The following CCDC186 variants were observed in gnomAD, a reference collection of about 807,000 sequenced individuals.
The protein encoded by CCDC186 is coiled-coil domain-containing protein 186.
CCDC186 carries 49 observed loss-of-function variants against 113.7 expected under a neutral mutation model. That is an observed-to-expected ratio of 0.43 (90% CI 0.34 to 0.55). The LOEUF (loss-of-function observed/expected upper bound fraction) is 0.55. Among genes scored for constraint, CCDC186 ranks in the 20% least tolerant of loss-of-function variants. The pLI, the probability that CCDC186 is intolerant of heterozygous loss-of-function variation, is 0.02. For synonymous variants in CCDC186, 355 were observed against 345.8 expected (o/e 1.03, Z -0.30); for missense variants, 890 against 1,011.1 (o/e 0.88, Z 1.62).
chr10:114,135,877 A>G lies in CCDC186; in HGVS notation c.1512+14T>C, dbSNP rs777207426. On this transcript the variant is annotated intron_variant, in intron 9 of 15. Transcript: ENST00000369287. ...TTACCCTTCCTCTGGATTCATGACT[A>G]AAGACTGAATTACCTTTGTTCTCAG... 4.4e-6 allele frequency: 7 copies of G among 1,577,650 alleles called. No homozygotes were observed. The highest frequency in any genetic ancestry group is 6.1e-6 in the Non-Finnish European group (7 of 1,150,054).
rs1276872366 is a variant in CCDC186, at chr10:114,131,216, C to G, written c.2032G>C (p.Asp678His). 6.3e-7 allele frequency: 1 copy of G among 1,599,652 alleles called. No individual in the cohort carries two copies. Among genetic ancestry groups the G allele is most frequent in the South Asian group, 1.1e-5 (1 of 88,548 alleles). Reference sequence around the variant, plus strand: ...TTACGTCTCTGAGTTACTAACTCATCTTTTAATTCTTCTACCTGGGTACTC... The same window carrying G: ...TTACGTCTCTGAGTTACTAACTCATGTTTTAATTCTTCTACCTGGGTACTC... ...ALSTQVEELK[D>H]ELVTQRRKHA... Residue 678 changes from aspartate to histidine, a missense_variant, in exon 12 of 16, where the codon GAT becomes CAT. Asp to His is a moderately conservative substitution (Grantham distance 81). Transcript: ENST00000369287.
intron 11 of CCDC186, among the ~76,000 whole-genome samples, chr10:114,131,590 C>CAA (rs1320780174): frequency 1.3e-5 from 2 of 152,004 alleles, no homozygotes; most frequent in African/African-American, 4.8e-5. Flanking sequence ...ACTAAAGTCT[C>CAA]AAATCATTTT....
rs1248400057 is a variant in CCDC186 at position 114,121,251 on chromosome 10, G to A, written c.*3892C>T. The A allele has an allele frequency of 6.6e-6, 1 of 151,438 alleles. No homozygotes were observed. 9.4% of individuals were successfully genotyped at this position (151,438 alleles called of 1,614,324 possible). On this transcript the variant is annotated 3_prime_UTR_variant, in exon 16 of 16. Transcript: ENST00000369287. ...GTGTTAATTAAAAATCAACAATCTT[G>A]GTGTCAAAAAAAATTGCTTTTAAAA... is the stretch of plus-strand genomic sequence containing the variant.
intron 3 of CCDC186, among the ~76,000 whole-genome samples, chr10:114,152,839 T>C (rs901321079): frequency 1.3e-5 from 2 of 152,038 alleles, no homozygotes; most frequent in Non-Finnish European, 2.9e-5. Flanking sequence ...AGTGGCTATA[T>C]TTACATAAAA....
At chr10:114,172,788 TTTTA>T (rs1254191716) in intron 1 of CCDC186, among the ~76,000 whole-genome samples, 1 of 152,228 alleles carries the variant, frequency 6.6e-6, no homozygotes, top group Non-Finnish European at 1.5e-5. Flanking sequence ...CATTACTGTT[TTTTA>T]TTTGTGTAAT....
Position 114,124,175 on chromosome 10 carries a change from C to G in CCDC186, c.*968G>C, listed in dbSNP as rs917460923. On this transcript the variant is annotated 3_prime_UTR_variant, in exon 16 of 16. Coordinates refer to ENST00000369287, the MANE Select transcript of CCDC186 (RefSeq NM_018017.4). ...CTACTTTATGTTTTAAATAAATACA[C>G]TGAAACATCACATTTGGGGGAACTG... 6.6e-6 allele frequency: 1 copy of G among 152,140 alleles called. No homozygotes were observed. Among genetic ancestry groups the G allele is most frequent in the South Asian group, 2.1e-4 (1 of 4,832 alleles). 9.4% of individuals were successfully genotyped at this position (152,140 alleles called of 1,614,324 possible). A position where few individuals can be genotyped will look rare whatever the true frequency, so the allele number is the denominator to read the frequency against.
chr10:114,138,767 C>T (rs2031364275), intron 6 of CCDC186, among the ~76,000 whole-genome samples: 1 of 152,162 alleles, frequency 6.6e-6, no homozygotes, highest in African/African-American at 2.4e-5. Context: ...TTTCTGCCCT[C>T]TTCATTGTTC....
intron 12 of CCDC186, chr10:114,130,307 C>G (rs2031047283): frequency 2.8e-5 from 5 of 177,362 alleles, no homozygotes; most frequent in African/African-American, 4.8e-5. Context: ...TAAAAACAAA[C>G]TAAACTCTAT....
At position 114,130,156 on chromosome 10, in the gene CCDC186, T is replaced by C. The variant is rs756154110; in HGVS notation, c.2102-185A>G. 8.7e-5 allele frequency: 40 copies of C among 457,900 alleles called. 2 individuals carry two copies. In the Middle Eastern group the frequency reaches 1.7e-3, roughly 19 times the overall value. 28.4% of individuals were successfully genotyped at this position (457,900 alleles called of 1,614,324 possible). A position where few individuals can be genotyped will look rare whatever the true frequency, so the allele number is the denominator to read the frequency against. On this transcript the variant is annotated intron_variant, in intron 12 of 15. Coordinates refer to ENST00000369287, the MANE Select transcript of CCDC186 (RefSeq NM_018017.4). ...GTCATTTGGAAATGTAAAAGTCAAG[T>C]ACAAAATATACAGAAACAACATTAT...
chr10:114,163,446 T>A, intron 1 of CCDC186, 117 bp from the exon 2 acceptor site: 1 of 822,606 alleles, frequency 1.2e-6, no homozygotes, highest in Non-Finnish European at 1.8e-6. Flanking sequence ...TAACAATTCC[T>A]TTAAAAGCCT....
At chr10:114,127,799 G>A in intron 13 of CCDC186, 128 bp from the exon 14 acceptor site, 1 of 836,804 alleles carries the variant, frequency 1.2e-6, no homozygotes, top group Non-Finnish European at 1.8e-6. Context: ...AGACAACACA[G>A]GTCAACGTGG....
At chr10:114,131,049 T>C in intron 12 of CCDC186, 98 bp downstream of exon 12, 2 of 1,052,138 alleles carry the variant, frequency 1.9e-6, no homozygotes, top group Non-Finnish European at 2.6e-6. Context: ...AAAGAAAACA[T>C]ACAGCTTCAA....
chr10:114,154,999 T>C (rs932166885), intron 3 of CCDC186, among the ~76,000 whole-genome samples: 1 of 152,230 alleles, frequency 6.6e-6, no homozygotes, highest in Non-Finnish European at 1.5e-5. Flanking sequence ...ACCTATTATA[T>C]AATTCCATTT....
chr10:114,157,147 T>C lies in CCDC186; in HGVS notation c.759+407A>G, dbSNP rs565312311. 2.1e-4 allele frequency among the ~76,000 whole-genome samples: 32 copies of C among 151,712 alleles called. 1 individual carries two copies. The highest frequency in any genetic ancestry group is 4.4e-4 in the Non-Finnish European group (30 of 67,966). On this transcript the variant is annotated intron_variant, in intron 3 of 15. Coordinates refer to ENST00000369287, the MANE Select transcript of CCDC186 (RefSeq NM_018017.4). ...TGCATTTAAAATATGATTTACCTTA[T>C]AGAACTCCAACCTACATGCAAGTTT...
chr10:114,154,992 T>C (rs1051610295), intron 3 of CCDC186, among the ~76,000 whole-genome samples: 1 of 152,230 alleles, frequency 6.6e-6, no homozygotes, highest in African/African-American at 2.4e-5. Context: ...AAGGGGTACC[T>C]ATTATATAAT....
At chr10:114,162,134 C>T (rs952717116) in intron 2 of CCDC186, 1 of 152,402 alleles carries the variant, frequency 6.6e-6, no homozygotes, top group South Asian at 2.1e-4. Context: ...ACTACTGAAA[C>T]GTACACATAA....
At chr10:114,126,835 A>T (rs2030919247) in intron 14 of CCDC186, among the ~76,000 whole-genome samples, 1 of 152,250 alleles carries the variant, frequency 6.6e-6, no homozygotes, top group South Asian at 2.1e-4. Context: ...ATATAAAAAA[A>T]CTTTTATTTA....
At chr10:114,164,065 AGTGTGTGTGTGTGTGTGTGTGT>A (rs747232906) in intron 1 of CCDC186, among the ~76,000 whole-genome samples, 1 of 107,032 alleles carries the variant, frequency 9.3e-6, no homozygotes, top group East Asian at 2.5e-4. Context: ...ACCAAGTTAG[AGTGTGTGTGTGTGTGTGTGTGT>A]GTGTGTGTGT....
chr10:114,129,052 C>T (rs950289206), intron 13 of CCDC186, among the ~76,000 whole-genome samples: 5 of 152,226 alleles, frequency 3.3e-5, no homozygotes, highest in African/African-American at 1.2e-4. Context: ...CCTGTCATCC[C>T]AGAACTCTGG....
Sources: gnomAD v4.1 joint callset for allele counts (sites outside exome capture counted in the v4.1 genomes callset) on GRCh38, gnomAD v4.1.1 for gene constraint, MANE v1.5 for transcripts, NCBI Gene and HGNC (gene_info 2026-07-23, HGNC 2026-07-21) for gene names.